The following DSCAM variants were observed in gnomAD, a reference collection of about 807,000 sequenced individuals.
DSCAM encodes the protein cell adhesion molecule DSCAM.
In DSCAM, 47 loss-of-function variants were observed where a neutral mutation model predicts 217.7. The observed-to-expected ratio is 0.22, with a 90% CI of 0.17 to 0.28. The LOEUF (loss-of-function observed/expected upper bound fraction) is 0.28, where lower values mean the gene tolerates loss of function less well. Among genes scored for constraint, DSCAM ranks in the 10% least tolerant of loss-of-function variants. DSCAM has a pLI of 1.00. For missense variants in DSCAM, 2,080 were observed against 2,618.3 expected, an observed-to-expected ratio of 0.79 and a Z score of 4.49; for synonymous variants, 1,056 against 1,015.3, an observed-to-expected ratio of 1.04 and a Z score of -0.76.
rs142916001 is a variant in DSCAM, at chr21:40,350,038, T to A, written c.935-2093A>T. On this transcript the variant is annotated intron_variant, in intron 5 of 32. Coordinates refer to ENST00000400454, the MANE Select transcript of DSCAM (RefSeq NM_001389.5). ...TTTGCTTTTTAATCCATTCTGGTAA[T>A]CTTCTCCTATTATTATTATTATTAT... 2.6e-4 allele frequency among the ~76,000 whole-genome samples: 40 copies of A among 152,118 alleles called. No homozygotes were observed. In the East Asian group the frequency reaches 7.3e-3, roughly 28 times the overall value.
intron 3 of DSCAM, among the ~76,000 whole-genome samples, chr21:40,399,799 T>C (rs1444826477): frequency 6.6e-6 from 1 of 152,238 alleles, no homozygotes; most frequent in Non-Finnish European, 1.5e-5. Flanking sequence ...AAACGTTGAC[T>C]CACATAAACC....
intron 3 of DSCAM, among the ~76,000 whole-genome samples, chr21:40,586,633 A>C (rs141862064): frequency 9.0e-4 from 137 of 152,336 alleles, no homozygotes; most frequent in Middle Eastern, 3.4e-3. Flanking sequence ...AGTGATGCTG[A>C]CAGTGACAGA....
chr21:40,512,459 A>T (rs796279960), intron 3 of DSCAM, among the ~76,000 whole-genome samples: 5 of 152,244 alleles, frequency 3.3e-5, no homozygotes, highest in African/African-American at 1.2e-4. Context: ...AGACATGTGA[A>T]TGAAGGAGCG....
chr21:40,027,110 G>GTATT (rs2088405384), intron 32 of DSCAM, among the ~76,000 whole-genome samples: 1 of 152,282 alleles, frequency 6.6e-6, no homozygotes, highest in East Asian at 1.9e-4. Context: ...TGTCTGTAAA[G>GTATT]TATTTTATTT....
At chr21:40,157,722 T>A (rs1366564715) in intron 16 of DSCAM, among the ~76,000 whole-genome samples, 2 of 147,586 alleles carry the variant, frequency 1.4e-5, no homozygotes, top group African/African-American at 2.5e-5. Flanking sequence ...CCTGAGACAG[T>A]CTCGCCTTGT....
intron 3 of DSCAM, among the ~76,000 whole-genome samples, chr21:40,451,170 C>T (rs2075716078): frequency 6.6e-6 from 1 of 152,146 alleles, no homozygotes; most frequent in Admixed American, 6.6e-5. Context: ...TTTGGATCGC[C>T]TGTTGATGGC....
chr21:40,027,075 G>T (rs1409596614), intron 32 of DSCAM, among the ~76,000 whole-genome samples: 1 of 152,306 alleles, frequency 6.6e-6, no homozygotes, highest in African/African-American at 2.4e-5. Flanking sequence ...AGGCCTGGTA[G>T]TGACAAAATC....
intron 3 of DSCAM, among the ~76,000 whole-genome samples, chr21:40,445,171 C>G (rs144590646): frequency 6.6e-6 from 1 of 152,136 alleles, no homozygotes; most frequent in Admixed American, 6.6e-5. Flanking sequence ...GAGTGGAGTT[C>G]TCATGTCTTA....
Position 40,261,650 on chromosome 21 carries a change from T to TACACACACACA in DSCAM, c.2356+14446_2356+14447insTGTGTGTGTGT, listed in dbSNP as rs373042306. Among the ~76,000 whole-genome samples, 837 of 112,672 alleles carry TACACACACACA rather than the reference T, an allele frequency of 7.4e-3. 10 individuals are homozygous for TACACACACACA. Among genetic ancestry groups the TACACACACACA allele is most frequent in the African/African-American group, 0.022 (771 of 34,544 alleles). The allele number at this position is 112,672 out of a possible 152,430, so 73.9% of individuals were successfully genotyped here. Reference sequence around the variant, plus strand: ...ATAATAAACTTATTCTCTCTCTCTCTCTACACACACACACACACACACACA... The same window carrying TACACACACACA: ...ATAATAAACTTATTCTCTCTCTCTCTACACACACACACTACACACACACACACACACACACA... On this transcript the variant is annotated intron_variant, in intron 11 of 32. Coordinates refer to ENST00000400454, the MANE Select transcript of DSCAM (RefSeq NM_001389.5).
chr21:40,364,147 A>C (rs2074800462), intron 4 of DSCAM, among the ~76,000 whole-genome samples: 1 of 152,184 alleles, frequency 6.6e-6, no homozygotes, highest in Non-Finnish European at 1.5e-5. Context: ...AGAACTAGAA[A>C]TACCATTTGA....
intron 11 of DSCAM, among the ~76,000 whole-genome samples, chr21:40,203,718 A>T (rs532868780): frequency 6.6e-6 from 1 of 152,372 alleles, no homozygotes; most frequent in South Asian, 2.1e-4. Context: ...AGTGCTTATA[A>T]GGTTAGTTTT....
intron 3 of DSCAM, among the ~76,000 whole-genome samples, chr21:40,656,695 A>G (rs780904248): frequency 2.0e-5 from 3 of 152,194 alleles, no homozygotes; most frequent in Admixed American, 6.5e-5. Context: ...GCTGTCTTTG[A>G]TGGTGGCAAT....
At chr21:40,103,275 C>A (rs867290700) in intron 20 of DSCAM, among the ~76,000 whole-genome samples, 15 of 147,560 alleles carry the variant, frequency 1.0e-4, no homozygotes, top group African/African-American at 2.9e-4. Flanking sequence ...TGTTAACATG[C>A]AATTAAAAAA....
chr21:40,381,103 A>T (rs553771060), intron 3 of DSCAM, among the ~76,000 whole-genome samples: 2 of 149,978 alleles, frequency 1.3e-5, no homozygotes, highest in Non-Finnish European at 3.0e-5. Context: ...AACTGATAGG[A>T]CATAGAACTC....
chr21:40,012,758 T>C lies in DSCAM; in HGVS notation c.*276A>G. On this transcript the variant is annotated 3_prime_UTR_variant, in exon 33 of 33. Transcript: ENST00000400454. ...AATTAATCCCCCCCATGCACTTTTG[T>C]AGAAAATCAGTAAAAATGCAATAGC... 4.4e-6 allele frequency: 1 copy of C among 227,450 alleles called. No individual in the cohort carries two copies. Among genetic ancestry groups the C allele is most frequent in the Non-Finnish European group, 8.4e-6 (1 of 118,734 alleles). The allele number at this position is 227,450 out of a possible 1,614,324, so 14.1% of individuals were successfully genotyped here.
intron 3 of DSCAM, among the ~76,000 whole-genome samples, chr21:40,625,461 CTA>C (rs1237484669): frequency 2.0e-5 from 3 of 152,268 alleles, no homozygotes; most frequent in African/African-American, 7.2e-5. Flanking sequence ...AGATGAGATT[CTA>C]TGTTTCTCAT....
chr21:40,809,395 G>A (rs1160585119), intron 1 of DSCAM, among the ~76,000 whole-genome samples: 5 of 152,198 alleles, frequency 3.3e-5, no homozygotes, highest in African/African-American at 1.2e-4. Flanking sequence ...ACTTCAAATA[G>A]GCATGAGAGA....
intron 16 of DSCAM, 44 bp downstream of exon 16, chr21:40,167,174 C>T (rs1208070952): frequency 3.8e-6 from 6 of 1,588,222 alleles, no homozygotes; most frequent in Non-Finnish European, 5.2e-6. Context: ...AAGGGCTCGC[C>T]CTGGGGGGAA....
At chr21:40,399,907 C>T (rs993601039) in intron 3 of DSCAM, among the ~76,000 whole-genome samples, 1 of 152,174 alleles carries the variant, frequency 6.6e-6, no homozygotes, top group South Asian at 2.1e-4. Context: ...AGCAATGTTG[C>T]TGCTTTTTTC....
Sources: gnomAD v4.1 joint callset for allele counts (sites outside exome capture counted in the v4.1 genomes callset) on GRCh38, gnomAD v4.1.1 for gene constraint, MANE v1.5 for transcripts, NCBI Gene and HGNC (gene_info 2026-07-23, HGNC 2026-07-21) for gene names.